EYA1: variants seen among roughly 807,000 people sequenced by gnomAD.
The protein encoded by EYA1 is EYA transcriptional coactivator and phosphatase 1.
EYA1 carries 16 observed loss-of-function variants against 82.0 expected under a neutral mutation model. The observed-to-expected ratio is 0.20, with a 90% CI of 0.13 to 0.30. The LOEUF is 0.30. Among genes scored for constraint, EYA1 ranks in the 10% least tolerant of loss-of-function variants. EYA1 has a pLI of 1.00. For missense variants in EYA1, 633 were observed against 730.7 expected (o/e 0.87, Z 1.54); for synonymous variants, 261 against 264.4 (o/e 0.99, Z 0.12).
At chr8:71,282,155 G>C (rs1299818767) in intron 9 of EYA1, among the ~76,000 whole-genome samples, 1 of 152,134 alleles carries the variant, frequency 6.6e-6, no homozygotes, top group African/African-American at 2.4e-5. Flanking sequence ...GTTATGATGG[G>C]TGGACCTTCT....
chr8:71,228,676 C>A (rs752122462), intron 12 of EYA1, among the ~76,000 whole-genome samples: 1 of 152,120 alleles, frequency 6.6e-6, no homozygotes, highest in Non-Finnish European at 1.5e-5. Context: ...GTTCTCGATT[C>A]TTTCATTCAT....
chr8:71,233,168 T>A (rs1179968642), intron 12 of EYA1, among the ~76,000 whole-genome samples: 1 of 152,208 alleles, frequency 6.6e-6, no homozygotes, highest in African/African-American at 2.4e-5. Flanking sequence ...TAAGAAACAT[T>A]ACATATAGAA....
chr8:71,370,618 A>C (rs1030492299), intron 2 of EYA1, among the ~76,000 whole-genome samples: 2 of 151,828 alleles, frequency 1.3e-5, no homozygotes, highest in Non-Finnish European at 2.9e-5. Context: ...AACACATTTT[A>C]ATTAATTACT....
rs1162614873 is a variant in EYA1 at position 71,299,223 on chromosome 8, G to A, written c.650C>T (p.Ser217Phe). Residue 217 changes from serine (S) to phenylalanine (F), a missense_variant, in exon 9 of 18, where the codon TCT (serine) becomes TTT (phenylalanine). Physicochemically the swap from Ser to Phe is radical, Grantham distance 155. Coordinates refer to ENST00000340726, the MANE Select transcript of EYA1 (RefSeq NM_000503.6). ...CTGACCCTGGCCAAAACTGGGATAA[G>A]ACGGATAGTCCTACCAAATCAAACC... ...GFNSSQQDYP[S>F]YPSFGQGQYA... is the part of the protein sequence containing the mutation. 1 of 1,614,088 alleles carries A rather than the reference G, an allele frequency of 6.2e-7. No individual in the cohort carries two copies. The highest frequency in any genetic ancestry group is 2.2e-5 in the East Asian group (1 of 44,880).
chr8:71,269,117 C>T (rs892340177), intron 11 of EYA1, among the ~76,000 whole-genome samples: 4 of 152,092 alleles, frequency 2.6e-5, no homozygotes, highest in Non-Finnish European at 4.4e-5. Context: ...TTTTGGGATA[C>T]CCAAATGTAC....
At chr8:71,529,603 C>G (rs1769955612) in intron 2 of EYA1, 1 of 152,194 alleles carries the variant, frequency 6.6e-6, no homozygotes, top group Non-Finnish European at 1.5e-5. Context: ...AGCCCAGCCT[C>G]TCCTCTGGGA....
chr8:71,449,881 T>G (rs372002394), intron 2 of EYA1, among the ~76,000 whole-genome samples: 14 of 152,256 alleles, frequency 9.2e-5, no homozygotes, highest in African/African-American at 3.4e-4. Flanking sequence ...TTCTGGAAAC[T>G]TACTGCATCT....
chr8:71,463,982 A>T (rs1808599188), intron 2 of EYA1, among the ~76,000 whole-genome samples: 1 of 152,136 alleles, frequency 6.6e-6, no homozygotes, highest in Non-Finnish European at 1.5e-5. Context: ...ACTGGGATTC[A>T]AATTCATCAA....
intron 2 of EYA1, among the ~76,000 whole-genome samples, chr8:71,480,479 A>C (rs1220493429): frequency 6.6e-6 from 1 of 152,206 alleles, no homozygotes; most frequent in African/African-American, 2.4e-5. Context: ...ATTGTCTTAA[A>C]GCATTTCAAC....
chr8:71,360,018 T>C (rs1827232656), intron 1 of EYA1, among the ~76,000 whole-genome samples: 1 of 152,186 alleles, frequency 6.6e-6, no homozygotes, highest in South Asian at 2.1e-4. Context: ...ATTTTAAAAA[T>C]AAAAACCTAA....
intron 9 of EYA1, among the ~76,000 whole-genome samples, chr8:71,294,526 A>AG (rs1819391188): frequency 2.0e-5 from 3 of 152,170 alleles, no homozygotes; most frequent in African/African-American, 7.2e-5. Context: ...AGAGAGAGAG[A>AG]AAGAGGTGTA....
At chr8:71,422,469 A>G (rs1194158813) in intron 2 of EYA1, among the ~76,000 whole-genome samples, 1 of 152,178 alleles carries the variant, frequency 6.6e-6, no homozygotes, top group Non-Finnish European at 1.5e-5. Flanking sequence ...CTCATTCCGA[A>G]TGTGTTCATA....
At chr8:71,402,586 G>A (rs1009606347) in intron 2 of EYA1, among the ~76,000 whole-genome samples, 1 of 152,112 alleles carries the variant, frequency 6.6e-6, no homozygotes. Flanking sequence ...TAAGTTTGGG[G>A]TTATGAGAGA....
chr8:71,230,365 C>G (rs1432843753), intron 12 of EYA1, among the ~76,000 whole-genome samples: 1 of 152,234 alleles, frequency 6.6e-6, no homozygotes, highest in Non-Finnish European at 1.5e-5. Context: ...AGGTCCATTT[C>G]ACACGACTTT....
intron 10 of EYA1, chr8:71,270,384 C>T (rs1482417536): frequency 6.5e-6 from 1 of 153,920 alleles, no homozygotes; most frequent in Non-Finnish European, 1.4e-5. Flanking sequence ...TTTTTTAAGT[C>T]TTTAGGGTAT....
chr8:71,344,847 G>A (rs1825538350), intron 3 of EYA1, among the ~76,000 whole-genome samples: 1 of 152,196 alleles, frequency 6.6e-6, no homozygotes, highest in Middle Eastern at 3.2e-3. Flanking sequence ...GTGGGAAAAT[G>A]GCTTACTTGC....
intron 2 of EYA1, among the ~76,000 whole-genome samples, chr8:71,402,228 C>T (rs1201063983): frequency 6.6e-6 from 1 of 152,160 alleles, no homozygotes; most frequent in African/African-American, 2.4e-5. Context: ...TTCCCCAGAC[C>T]TCAGTTAGAG....
intron 12 of EYA1, among the ~76,000 whole-genome samples, chr8:71,230,735 A>G (rs932243729): frequency 6.6e-6 from 1 of 152,262 alleles, no homozygotes; most frequent in African/African-American, 2.4e-5. Context: ...GTTAATTAAC[A>G]GCCTGTTGGA....
chr8:71,486,503 T>C (rs1330999591), intron 2 of EYA1, among the ~76,000 whole-genome samples: 1 of 152,178 alleles, frequency 6.6e-6, no homozygotes, highest in Non-Finnish European at 1.5e-5. Flanking sequence ...TCGTGCCTCC[T>C]CTTGGGAGAA....
Sources: allele counts gnomAD v4.1 joint callset (sites outside exome capture counted in the v4.1 genomes callset), GRCh38; gene constraint gnomAD v4.1.1; transcripts MANE v1.5; gene names NCBI Gene and HGNC (gene_info 2026-07-23, HGNC 2026-07-21).